The following MYO1F variants were observed in gnomAD, a reference collection of about 807,000 sequenced individuals.
MYO1F encodes the protein myosin IF.
Under a neutral mutation model 146.6 loss-of-function variants are expected in MYO1F, and 60 were observed. The ratio of observed to expected loss-of-function variants is 0.41; its 90% CI spans 0.33 to 0.51. The LOEUF is 0.51. Ranked by LOEUF, MYO1F falls within the 20% of genes least tolerant of loss-of-function variation. The pLI, the probability that MYO1F is intolerant of heterozygous loss-of-function variation, is 0.25. For missense variants in MYO1F, 1,274 were observed against 1,534.3 expected, an observed-to-expected ratio of 0.83 and a Z score of 2.83; for synonymous variants, 602 against 602.1, an observed-to-expected ratio of 1.00 and a Z score of 0.00.
intron 24 of MYO1F, among the ~76,000 whole-genome samples, chr19:8,526,187 C>T (rs1159629758): frequency 1.3e-5 from 2 of 152,146 alleles, no homozygotes; most frequent in Non-Finnish European, 2.9e-5. Context: ...ATTAGCTGGG[C>T]GCGGTGGCAG....
intron 1 of MYO1F, among the ~76,000 whole-genome samples, chr19:8,566,421 C>T (rs894891708): frequency 3.3e-5 from 5 of 151,996 alleles, no homozygotes; most frequent in South Asian, 4.1e-4. Context: ...CCCGCCTCGG[C>T]CTCCCAAAGT....
chr19:8,547,976 T>G, intron 12 of MYO1F, 60 bp downstream of exon 12: 2 of 1,482,230 alleles, frequency 1.3e-6, no homozygotes, highest in Non-Finnish European at 1.9e-6. Flanking sequence ...GGGATCCTCA[T>G]GGTCCTTCCA....
Position 8,577,376 on chromosome 19 carries a change from G to C in MYO1F, c.-67C>G, listed in dbSNP as rs1194826328. 1.3e-6 allele frequency: 2 copies of C among 1,582,578 alleles called. No homozygotes were observed. Among genetic ancestry groups the C allele is most frequent in the East Asian group, 2.2e-5 (1 of 44,706 alleles). ...GGTCGTGATGGAGGTGCAGGTTCAG[G>C]GGGATCTTGGGGGTGGCTTGGGCAT... On this transcript the variant is annotated 5_prime_UTR_variant, in exon 1 of 28. Transcript: ENST00000644032. The surrounding 1 kb of genome is among the most constrained non-coding windows in gnomAD (Gnocchi z 4.3).
intron 1 of MYO1F, among the ~76,000 whole-genome samples, chr19:8,558,040 G>A (rs1973929734): frequency 6.6e-6 from 1 of 152,036 alleles, no homozygotes; most frequent in African/African-American, 2.4e-5. Context: ...TCCCAGCCCT[G>A]CCTCCCTGCT....
chr19:8,530,469 C>G lies in MYO1F; in HGVS notation c.2148G>C (p.Met716Ile). 6.2e-7 allele frequency: 1 copy of G among 1,613,836 alleles called. No homozygotes were observed. Among genetic ancestry groups the G allele is most frequent in the Non-Finnish European group, 8.5e-7 (1 of 1,180,024 alleles). ...RHVAVRKYEE[M>I]REEASNILLN... ...CCCGAAGCCTCTCACCTTCCTCCCGCATCTCCTCGTACTTCCGGACAGCCA... is the reference window on the plus strand; with the variant it reads ...CCCGAAGCCTCTCACCTTCCTCCCGGATCTCCTCGTACTTCCGGACAGCCA... Residue 716 changes from methionine (M) to isoleucine (I), a missense_variant, in exon 20 of 28, where the codon ATG (methionine) becomes ATC (isoleucine). Met to Ile is a conservative substitution (Grantham distance 10). Around this residue, in one of 2 missense-constraint regions of MYO1F, gnomAD observed 900 missense variants for 1,155.1 expected, o/e 0.78. Coordinates refer to ENST00000644032, the MANE Select transcript of MYO1F (RefSeq NM_012335.4). The surrounding 1 kb of genome is among the most constrained non-coding windows in gnomAD (Gnocchi z 5.8).
At position 8,522,654 on chromosome 19, in the gene MYO1F, C is replaced by T. The variant is rs779200718; in HGVS notation, c.3030G>A (p.Val1010=). 2 of 1,613,916 alleles carry T rather than the reference C, an allele frequency of 1.2e-6. No homozygotes were observed. The highest frequency in any genetic ancestry group is 2.2e-5 in the East Asian group (1 of 44,880). The part of the protein sequence containing the change: ...PSEHNTEFLN[V]PDQGMAGMQR... ...CCTACCCGGCCATGCCCTGGTCAGG[C>T]ACGTTGAGGAATTCTGTGTTGTGCT... is the stretch of plus-strand genomic sequence containing the variant. The change falls in exon 26 of 28, where the codon GTG becomes GTA. Residue 1010 remains valine (V), a synonymous_variant. Coordinates refer to ENST00000644032, the MANE Select transcript of MYO1F (RefSeq NM_012335.4).
At chr19:8,532,917 C>T (rs1366893591) in intron 19 of MYO1F, among the ~76,000 whole-genome samples, 9 of 147,362 alleles carry the variant, frequency 6.1e-5, no homozygotes, top group Non-Finnish European at 1.3e-4. Flanking sequence ...CACACACACA[C>T]ACACACACAC....
At chr19:8,553,892 A>ACTCTCTCTCTCTCTCTCTCTCTCTCTCT (rs569819927) in intron 4 of MYO1F, among the ~76,000 whole-genome samples, 1 of 105,236 alleles carries the variant, frequency 9.5e-6, no homozygotes, top group Admixed American at 1.1e-4. Context: ...ACACACACAC[A>ACTCTCTCTCTCTCTCTCTCTCTCTCTCT]CACTCTCTCT....
At chr19:8,553,894 A>ACACACACACACACTCTCTCTCT in intron 4 of MYO1F, among the ~76,000 whole-genome samples, 108 of 102,652 alleles carry the variant, frequency 1.1e-3, no homozygotes, top group African/African-American at 3.4e-3. Flanking sequence ...ACACACACAC[A>ACACACACACACACTCTCTCTCT]CTCTCTCTCT....
rs1366754319 is a variant in MYO1F at position 8,544,836 on chromosome 19, C to T, written c.1357-372G>A. ...TCTTGCCCAGGCTGGAGAGCAGTGG[C>T]GTGATCTCAGCTCACTGCAGCCTCC... On this transcript the variant is annotated intron_variant, in intron 13 of 27. Transcript: ENST00000644032. 3.3e-5 allele frequency among the ~76,000 whole-genome samples: 5 copies of T among 152,128 alleles called. No homozygotes were observed. In the South Asian group the frequency reaches 6.2e-4, roughly 19 times the overall value.
In MYO1F at chr19:8,522,810, C is replaced by T; in HGVS notation, c.2874G>A (p.Val958=). ...GGGGGCCCCCTCTGGCAGAGGGGGG[C>T]ACCCCATTGCGATCCATGCCTGTGG... The part of the protein sequence containing the change: ...APPRGMDRNG[V]PPSARGGPLP... Residue 958 remains valine (V), a synonymous_variant, in exon 26 of 28, where the codon GTG becomes GTA. Coordinates refer to ENST00000644032, the MANE Select transcript of MYO1F (RefSeq NM_012335.4). The T allele has an allele frequency of 6.3e-7, 1 of 1,579,334 alleles. No homozygotes were observed. The highest frequency in any genetic ancestry group is 8.6e-7 in the Non-Finnish European group (1 of 1,166,076).
At chr19:8,539,066 A>C (rs1206868298) in intron 16 of MYO1F, among the ~76,000 whole-genome samples, 1 of 152,166 alleles carries the variant, frequency 6.6e-6, no homozygotes, top group Non-Finnish European at 1.5e-5. Flanking sequence ...TGGGCGGATC[A>C]CCTGGGGTCA....
chr19:8,523,432 T>A (rs1241362167), intron 25 of MYO1F, among the ~76,000 whole-genome samples: 2 of 152,144 alleles, frequency 1.3e-5, no homozygotes, highest in African/African-American at 4.8e-5. Context: ...AACTCTGACC[T>A]CCTGGGCTCA....
chr19:8,526,560 C>T lies in MYO1F; in HGVS notation c.2663G>A (p.Gly888Asp), dbSNP rs868290967. The T allele has an allele frequency of 6.3e-7, 1 of 1,598,076 alleles. No homozygotes were observed. Among genetic ancestry groups the T allele is most frequent in the Non-Finnish European group, 8.5e-7 (1 of 1,174,598 alleles). ...RVKKEGWGGG[G>D]TRSVTFSRGF... The stretch of plus-strand genomic sequence containing the variant: ...GCGGGAGAAGGTGACGCTGCGGGTG[C>T]CGCCACCGCCCCAGCCCTCCTTCTT... The change falls in exon 24 of 28, where the codon GGC (glycine) becomes GAC (aspartate). Residue 888 changes from glycine to aspartate, a missense_variant. This residue lies in a region of MYO1F where 374 missense variants were observed against 379.2 expected (regional missense o/e 0.99). Coordinates refer to ENST00000644032, the MANE Select transcript of MYO1F (RefSeq NM_012335.4).
At chr19:8,529,820 T>C (rs1159144225) in intron 21 of MYO1F, 6 of 407,704 alleles carry the variant, frequency 1.5e-5, no homozygotes, top group Non-Finnish European at 2.8e-5. Flanking sequence ...TGGGCAGGTG[T>C]GTCTGTGCCG....
At chr19:8,524,139 G>C (rs1186952417) in intron 25 of MYO1F, among the ~76,000 whole-genome samples, 1 of 42,460 alleles carries the variant, frequency 2.4e-5, no homozygotes, top group Non-Finnish European at 5.5e-5. Flanking sequence ...AAAAAAAAAA[G>C]GCCGGGCGCG....
At chr19:8,536,653 G>C (rs1302887404) in intron 17 of MYO1F, 56 bp from the exon 18 acceptor site, 1 of 887,884 alleles carries the variant, frequency 1.1e-6, no homozygotes, top group East Asian at 2.8e-5. Flanking sequence ...AGTCCTGGGG[G>C]TGGGTGGGAG....
intron 10 of MYO1F, 41 bp downstream of exon 10, chr19:8,550,119 C>A: frequency 1.9e-6 from 3 of 1,604,914 alleles, no homozygotes; most frequent in African/African-American, 1.3e-5. Flanking sequence ...GTTTGTGACC[C>A]CAGAGCATCC....
intron 16 of MYO1F, among the ~76,000 whole-genome samples, chr19:8,538,401 C>T (rs1005576483): frequency 1.3e-5 from 2 of 152,026 alleles, no homozygotes; most frequent in Admixed American, 1.3e-4. Flanking sequence ...AGCAATTCTC[C>T]TGCCTCAGCC....
Sources: allele counts gnomAD v4.1 joint callset (sites outside exome capture counted in the v4.1 genomes callset), GRCh38; gene constraint gnomAD v4.1.1; regional missense constraint gnomAD v4.1.1; non-coding constraint Gnocchi (gnomAD v3.1); transcripts MANE v1.5; gene names NCBI Gene and HGNC (gene_info 2026-07-23, HGNC 2026-07-21).